Variants in ZBTB20 observed in about 807,000 individuals in gnomAD.
ZBTB20 encodes the protein zinc finger and BTB domain-containing protein 20.
Under a neutral mutation model 56.9 loss-of-function variants are expected in ZBTB20, and 9 were observed. The ratio of observed to expected loss-of-function variants is 0.16; its 90% confidence interval spans 0.10 to 0.28. The LOEUF is 0.28. ZBTB20 is among the 10% of genes least tolerant of loss of function. The pLI is 1.00. For synonymous variants in ZBTB20, 417 were observed against 420.7 expected (o/e 0.99, Z 0.11); for missense variants, 655 against 1,003.0 (o/e 0.65, Z 4.69).
intron 11 of ZBTB20, among the ~76,000 whole-genome samples, chr3:114,346,840 C>T (rs1353070507): frequency 2.0e-5 from 3 of 151,820 alleles, no homozygotes; most frequent in African/African-American, 7.3e-5. Context: ...CATGCAGCAC[C>T]ATGCCTGGTT....
intron 3 of ZBTB20, among the ~76,000 whole-genome samples, chr3:114,953,016 C>T (rs1275956822): frequency 6.6e-6 from 1 of 152,006 alleles, no homozygotes; most frequent in African/African-American, 2.4e-5. Flanking sequence ...TGCAAAATTA[C>T]AACATTATCT....
At chr3:114,933,243 G>A (rs1272657714) in intron 3 of ZBTB20, among the ~76,000 whole-genome samples, 1 of 152,136 alleles carries the variant, frequency 6.6e-6, no homozygotes, top group Non-Finnish European at 1.5e-5. Context: ...GTATTTGGGG[G>A]TAGTTTGTTA....
chr3:114,839,463 G>GAAAGAAAGA (rs1553842174), intron 4 of ZBTB20, among the ~76,000 whole-genome samples: 2 of 149,138 alleles, frequency 1.3e-5, no homozygotes, highest in Admixed American at 6.7e-5. Context: ...AAGAAAGAAA[G>GAAAGAAAGA]AAAGAGAGAG....
intron 2 of ZBTB20, among the ~76,000 whole-genome samples, chr3:115,054,865 T>C (rs2081696307): frequency 1.3e-5 from 2 of 152,138 alleles, no homozygotes; most frequent in African/African-American, 2.4e-5. Context: ...TTTACTCTTA[T>C]AGTGACTTAC....
intron 3 of ZBTB20, among the ~76,000 whole-genome samples, chr3:114,931,698 TTG>T (rs1226921901): frequency 6.6e-6 from 1 of 152,080 alleles, no homozygotes; most frequent in African/African-American, 2.4e-5. Context: ...GTTGTTGTTT[TTG>T]TGTGTTTTTT....
chr3:114,985,808 T>A (rs1018837791), intron 2 of ZBTB20, among the ~76,000 whole-genome samples: 6 of 152,094 alleles, frequency 3.9e-5, no homozygotes, highest in Non-Finnish European at 5.9e-5. Context: ...GGTGAAAACA[T>A]CCATTCATTT....
At chr3:115,106,232 CTT>C (rs1271544340) in intron 1 of ZBTB20, among the ~76,000 whole-genome samples, 28 of 130,490 alleles carry the variant, frequency 2.1e-4, no homozygotes, top group Admixed American at 1.6e-4. Context: ...CACAATAATT[CTT>C]TTTTTTTTTT....
rs1035185461 is a variant in ZBTB20 at position 114,892,798 on chromosome 3, A to G, written c.-417+7506T>C. ...CATAGGTTGCAAGGAGACTTTGTCTATCCTGATGGACAACTGTCTCTGAGA... is the reference window on the plus strand; with the variant it reads ...CATAGGTTGCAAGGAGACTTTGTCTGTCCTGATGGACAACTGTCTCTGAGA... On this transcript the variant is annotated intron_variant, in intron 4 of 11. Transcript: ENST00000675478. 4.6e-5 allele frequency among the ~76,000 whole-genome samples: 7 copies of G among 152,346 alleles called. No homozygotes were observed. In the East Asian group the frequency reaches 1.2e-3, roughly 25 times the overall value.
At position 114,712,993 on chromosome 3, in the gene ZBTB20, T is replaced by A. The variant is rs144647143; in HGVS notation, c.-342-19418A>T. On this transcript the variant is annotated intron_variant, in intron 5 of 11. Coordinates refer to ENST00000675478, the MANE Select transcript of ZBTB20 (RefSeq NM_001348800.3). The stretch of plus-strand genomic sequence containing the variant: ...GTTATCAGCTATTCCGATGTATCTA[T>A]ATGTAGGATCTATAGGTACATGTAG... Among the ~76,000 whole-genome samples the A allele has an allele frequency of 6.0e-3, 921 of 152,284 alleles. 6 individuals carry two copies. Among genetic ancestry groups the A allele is most frequent in the African/African-American group, 0.021 (853 of 41,560 alleles).
chr3:114,416,609 G>A (rs2088588039), intron 7 of ZBTB20, among the ~76,000 whole-genome samples: 2 of 152,180 alleles, frequency 1.3e-5, no homozygotes, highest in South Asian at 2.1e-4. Context: ...CAGATCTACT[G>A]AGTCTCACAT....
At chr3:114,774,121 C>A (rs1372210039) in intron 5 of ZBTB20, among the ~76,000 whole-genome samples, 1 of 152,092 alleles carries the variant, frequency 6.6e-6, no homozygotes, top group Non-Finnish European at 1.5e-5. Flanking sequence ...ATGCTGAAAA[C>A]AAATACTTTT....
At chr3:114,993,468 T>C (rs1003614505) in intron 2 of ZBTB20, among the ~76,000 whole-genome samples, 5 of 151,894 alleles carry the variant, frequency 3.3e-5, no homozygotes, top group Non-Finnish European at 5.9e-5. Flanking sequence ...AAATTGCACA[T>C]TCTTTCCAAC....
At chr3:114,983,278 C>A (rs1423032834) in intron 2 of ZBTB20, among the ~76,000 whole-genome samples, 2 of 151,972 alleles carry the variant, frequency 1.3e-5, no homozygotes, top group Non-Finnish European at 2.9e-5. Context: ...ATGTCCTTCA[C>A]GATGTCCTTC....
intron 6 of ZBTB20, among the ~76,000 whole-genome samples, chr3:114,633,853 T>C (rs1296355630): frequency 6.6e-6 from 1 of 152,144 alleles, no homozygotes; most frequent in Non-Finnish European, 1.5e-5. Flanking sequence ...AAGGAATAAA[T>C]TTCTTCCACT....
chr3:114,675,435 G>A (rs2061577643), intron 6 of ZBTB20, among the ~76,000 whole-genome samples: 1 of 152,044 alleles, frequency 6.6e-6, no homozygotes, highest in African/African-American at 2.4e-5. Context: ...GAGCTGTAGG[G>A]TTAGCATTCC....
At chr3:115,136,193 T>A (rs1210760493) in intron 1 of ZBTB20, among the ~76,000 whole-genome samples, 1 of 152,126 alleles carries the variant, frequency 6.6e-6, no homozygotes, top group African/African-American at 2.4e-5. Context: ...TAGAATTTCA[T>A]TAAGTACCTA....
At chr3:115,070,251 G>A (rs1164568265) in intron 2 of ZBTB20, among the ~76,000 whole-genome samples, 1 of 152,074 alleles carries the variant, frequency 6.6e-6, no homozygotes, top group African/African-American at 2.4e-5. Flanking sequence ...ACTGCAATTT[G>A]TTTTAGCAAC....
chr3:114,732,901 T>C (rs774389518), intron 5 of ZBTB20, among the ~76,000 whole-genome samples: 26 of 152,084 alleles, frequency 1.7e-4, no homozygotes, highest in Admixed American at 1.4e-3. Flanking sequence ...GATCACACAC[T>C]GAATGTGGGA....
At chr3:114,454,173 A>AGG (rs34467795) in intron 7 of ZBTB20, among the ~76,000 whole-genome samples, 15 of 53,858 alleles carry the variant, frequency 2.8e-4, no homozygotes, top group African/African-American at 8.8e-4. Flanking sequence ...GGAAAAGAGA[A>AGG]GGGAGAGAGA....
Sources: allele counts gnomAD v4.1 joint callset (sites outside exome capture counted in the v4.1 genomes callset), GRCh38; gene constraint gnomAD v4.1.1; transcripts MANE v1.5; gene names NCBI Gene and HGNC (gene_info 2026-07-23, HGNC 2026-07-21).